Variants in NMRAL1 observed in about 807,000 individuals in gnomAD.
NMRAL1 encodes NmrA like redox sensor 1.
Under a neutral mutation model 27.5 loss-of-function variants are expected in NMRAL1, and 32 were observed. That is an observed-to-expected ratio of 1.16 (90% CI 0.88 to 1.56). The LOEUF (loss-of-function observed/expected upper bound fraction) is 1.56. Ranked by LOEUF, NMRAL1 falls within the 40% of genes most tolerant of loss-of-function variation. The pLI is 0.00. For synonymous variants in NMRAL1, 166 were observed against 166.8 expected (o/e 1.00, Z 0.04); for missense variants, 420 against 392.0 (o/e 1.07, Z -0.60).
chr16:4,463,169 A>G (rs964045508), intron 5 of NMRAL1, among the ~76,000 whole-genome samples: 14 of 152,162 alleles, frequency 9.2e-5, no homozygotes, highest in African/African-American at 3.4e-4. Flanking sequence ...AGATTCTTTA[A>G]TGAGTATGTC....
chr16:4,462,453 G>T (rs1170635905), intron 5 of NMRAL1, among the ~76,000 whole-genome samples: 2 of 152,122 alleles, frequency 1.3e-5, no homozygotes, highest in Non-Finnish European at 2.9e-5. Flanking sequence ...ACTCCAGCCT[G>T]GGCAACAAGA....
chr16:4,466,512 C>G, intron 3 of NMRAL1, 110 bp from the exon 4 acceptor site: 1 of 1,040,050 alleles, frequency 9.6e-7, no homozygotes, highest in Non-Finnish European at 1.4e-6. Context: ...AGGTTAACAT[C>G]TAGACCCCAC....
At chr16:4,473,293 A>T (rs567439474) in intron 2 of NMRAL1, among the ~76,000 whole-genome samples, 2 of 152,102 alleles carry the variant, frequency 1.3e-5, no homozygotes, top group Non-Finnish European at 2.9e-5. Flanking sequence ...GGAGTGATGG[A>T]AATTTTCTAA....
At position 4,466,074 on chromosome 16, in the gene NMRAL1, C is replaced by T. The variant is rs2057310997; in HGVS notation, c.529+79G>A. On this transcript the variant is annotated intron_variant, in intron 4 of 5. Transcript: ENST00000283429. ...ACGGCTTGAACCTGGCACCACGTGA[C>T]AGCGGCCCGCGGTCTGTTACACCAA... 7 of 1,556,756 alleles carry T rather than the reference C, an allele frequency of 4.5e-6. No individual in the cohort carries two copies. The East Asian group carries it at 1.6e-4, about 35-fold the overall frequency.
intron 2 of NMRAL1, among the ~76,000 whole-genome samples, chr16:4,473,472 A>G (rs1486478902): frequency 6.6e-6 from 1 of 152,190 alleles, no homozygotes; most frequent in Non-Finnish European, 1.5e-5. Context: ...ATATGCTATC[A>G]TTTGAAAAAA....
chr16:4,466,237 T>C lies in NMRAL1; in HGVS notation c.445A>G (p.Ser149Gly), dbSNP rs779949379. The change falls in exon 4 of 6, where the codon AGT becomes GGT. Residue 149 changes from serine (S) to glycine (G), a missense_variant. Ser to Gly is a moderately conservative substitution (Grantham distance 56). Transcript: ENST00000283429. The stretch of plus-strand genomic sequence containing the variant: ...TCAAAATAGCAGGGCAGCCGCACAC[T>C]GGTCATGGGAACGCCAATGTCCCGG... ...YFRDIGVPMT[S>G]VRLPCYFENL... is the part of the protein sequence containing the mutation. 1.9e-6 allele frequency: 3 copies of C among 1,614,054 alleles called. No homozygotes were observed. Among genetic ancestry groups the C allele is most frequent in the Non-Finnish European group, 8.5e-7 (1 of 1,180,048 alleles).
chr16:4,473,968 A>G (rs1406266875), intron 2 of NMRAL1, 125 bp downstream of exon 2: 1 of 670,142 alleles, frequency 1.5e-6, no homozygotes, highest in Non-Finnish European at 2.6e-6. Context: ...CGTTCCTGCG[A>G]CCACAGCCCC....
At position 4,469,456 on chromosome 16, in the gene NMRAL1, C is replaced by T. The variant is rs781147523; in HGVS notation, c.50G>A (p.Gly17Asp). ...VVVFGGTGAQGGSVARTLLED... is the reference protein window; with the variant it reads ...VVVFGGTGAQDGSVARTLLED... Reference sequence around the variant, plus strand: ...CAGGAGTGTGCGGGCCACGGAGCCACCCTGGGCACCTACAAAGAATCAAAA... The same window carrying T: ...CAGGAGTGTGCGGGCCACGGAGCCATCCTGGGCACCTACAAAGAATCAAAA... Residue 17 changes from glycine to aspartate, a missense_variant, in exon 3 of 6, where the codon GGT (glycine) becomes GAT (aspartate). Transcript: ENST00000283429. 15 of 1,613,686 alleles carry T rather than the reference C, an allele frequency of 9.3e-6. No homozygotes were observed. Among genetic ancestry groups the T allele is most frequent in the Non-Finnish European group, 1.3e-5 (15 of 1,179,718 alleles).
At chr16:4,470,983 T>C (rs1455078218) in intron 2 of NMRAL1, among the ~76,000 whole-genome samples, 1 of 149,840 alleles carries the variant, frequency 6.7e-6, no homozygotes, top group Admixed American at 6.7e-5. Flanking sequence ...TGGTGGAGCC[T>C]GTAATCCCAG....
intron 3 of NMRAL1, among the ~76,000 whole-genome samples, chr16:4,468,735 G>A (rs2057427705): frequency 6.6e-6 from 1 of 152,060 alleles, no homozygotes; most frequent in South Asian, 2.1e-4. Context: ...TAACAAGTTT[G>A]GATGGGTACA....
intron 4 of NMRAL1, among the ~76,000 whole-genome samples, chr16:4,465,749 TAG>T (rs1378029141): frequency 6.6e-6 from 1 of 151,990 alleles, no homozygotes; most frequent in Non-Finnish European, 1.5e-5. Context: ...GTATTTTTAG[TAG>T]AGATGGGGTT....
rs945511992 is a variant in NMRAL1 at position 4,469,816 on chromosome 16, G to T, written c.41-351C>A. On this transcript the variant is annotated intron_variant, in intron 2 of 5. Transcript: ENST00000283429. ...CAGGAGGCGGAGGTTGCAGTGAGCT[G>T]AGATTGCGCCACTGCACCACAGCCT... 3.3e-5 allele frequency: 8 copies of T among 243,328 alleles called. No homozygotes were observed. The Admixed American group carries it at 4.0e-4, about 12-fold the overall frequency. The allele number at this position is 243,328 out of a possible 1,614,324, so 15.1% of individuals were successfully genotyped here.
intron 3 of NMRAL1, among the ~76,000 whole-genome samples, chr16:4,468,452 C>T (rs1473963485): frequency 6.6e-6 from 1 of 151,778 alleles, no homozygotes; most frequent in Non-Finnish European, 1.5e-5. Context: ...CCCGCCTCTA[C>T]TAAAAATACA....
chr16:4,463,759 G>T lies in NMRAL1; in HGVS notation c.621C>A (p.Tyr207Ter), dbSNP rs751196029. Residue 207 changes from tyrosine to a stop codon, truncating the protein, a stop_gained, in exon 5 of 6, where the codon TAC (tyrosine) becomes TAA (stop). Coordinates refer to ENST00000283429, the MANE Select transcript of NMRAL1 (RefSeq NM_020677.6). LOFTEE classifies it high-confidence loss of function. ...VLSLLKMPEK[Y>*]VGQNIGLSTC... The stretch of plus-strand genomic sequence containing the variant: ...TGCTCAGCCCGATGTTCTGGCCGAC[G>T]TATTTTTCTGGCATCTTCAAAAGGC... The T allele has an allele frequency of 3.1e-6, 5 of 1,613,932 alleles. No individual in the cohort carries two copies. Among genetic ancestry groups the T allele is most frequent in the Admixed American group, 1.7e-5 (1 of 59,994 alleles).
At chr16:4,466,430 A>G (rs753319682) in intron 3 of NMRAL1, 28 bp from the exon 4 acceptor site, 64 of 1,603,276 alleles carry the variant, frequency 4.0e-5, no homozygotes, top group Non-Finnish European at 5.4e-5. Context: ...AGAGATCACA[A>G]GGCTCAGAAG....
chr16:4,469,636 G>A (rs906549675), intron 2 of NMRAL1, 171 bp from the exon 3 acceptor site: 2 of 1,326,174 alleles, frequency 1.5e-6, no homozygotes, highest in Admixed American at 5.6e-5. Flanking sequence ...TTGAGATGGA[G>A]TCTCACTCTA....
At chr16:4,464,235 A>C in intron 4 of NMRAL1, 1 of 248,664 alleles carries the variant, frequency 4.0e-6, no homozygotes, top group Non-Finnish European at 7.6e-6. Context: ...GTCTCCGCTA[A>C]TCTGGAGGCA....
intron 5 of NMRAL1, among the ~76,000 whole-genome samples, chr16:4,462,845 C>A (rs2057158945): frequency 6.6e-6 from 1 of 151,242 alleles, no homozygotes; most frequent in Non-Finnish European, 1.5e-5. Flanking sequence ...TTTAAGGACT[C>A]CAGTGTTTCC....
At chr16:4,472,552 C>T (rs548063890) in intron 2 of NMRAL1, among the ~76,000 whole-genome samples, 1 of 152,186 alleles carries the variant, frequency 6.6e-6, no homozygotes, top group African/African-American at 2.4e-5. Flanking sequence ...TGAGACCAGC[C>T]TGGCCACATG....
Sources: allele counts gnomAD v4.1 joint callset (sites outside exome capture counted in the v4.1 genomes callset), GRCh38; gene constraint gnomAD v4.1.1; transcripts MANE v1.5; gene names NCBI Gene and HGNC (gene_info 2026-07-23, HGNC 2026-07-21).